UNC5D: variants seen among roughly 807,000 people sequenced by gnomAD.
UNC5D encodes the protein netrin receptor UNC5D.
Under a neutral mutation model 105.4 loss-of-function variants are expected in UNC5D, and 39 were observed. The ratio of observed to expected loss-of-function variants is 0.37; its 90% confidence interval spans 0.29 to 0.48. The LOEUF (loss-of-function observed/expected upper bound fraction) is 0.48, where lower values mean the gene tolerates loss of function less well. UNC5D is among the 20% of genes least tolerant of loss of function. The probability of loss-of-function intolerance (pLI) is 0.98; values close to 1 mark genes in which losing one functional copy is unlikely to be tolerated. For synonymous variants in UNC5D, 452 were observed against 450.4 expected, an observed-to-expected ratio of 1.00 and a Z score of -0.04; for missense variants, 991 against 1,202.4, an observed-to-expected ratio of 0.82 and a Z score of 2.60.
intron 1 of UNC5D, among the ~76,000 whole-genome samples, chr8:35,422,018 A>G (rs1805937376): frequency 6.6e-6 from 1 of 152,154 alleles, no homozygotes; most frequent in Non-Finnish European, 1.5e-5. Flanking sequence ...TTTTTCAACA[A>G]TTGTTACATT....
intron 1 of UNC5D, among the ~76,000 whole-genome samples, chr8:35,387,987 A>G (rs892396420): frequency 6.6e-6 from 1 of 152,150 alleles, no homozygotes; most frequent in African/African-American, 2.4e-5. Flanking sequence ...AGAGCAGGAC[A>G]CTCAAGTGTT....
chr8:35,448,436 G>A (rs944513642), intron 1 of UNC5D, among the ~76,000 whole-genome samples: 5 of 151,850 alleles, frequency 3.3e-5, no homozygotes, highest in African/African-American at 9.7e-5. Flanking sequence ...TTCCAGTATA[G>A]ACATTACTTG....
chr8:35,281,533 G>C (rs998104263), intron 1 of UNC5D, among the ~76,000 whole-genome samples: 2 of 151,664 alleles, frequency 1.3e-5, no homozygotes, highest in Non-Finnish European at 2.9e-5. Flanking sequence ...TCCGCCTCCC[G>C]GGTTCAAGCG....
chr8:35,568,311 T>G, intron 3 of UNC5D, 70 bp downstream of exon 3: 1 of 1,548,658 alleles, frequency 6.5e-7, no homozygotes, highest in South Asian at 1.2e-5. Flanking sequence ...GAAGAGAGGT[T>G]TTACAGATGT....
chr8:35,331,521 C>T (rs1449036701), intron 1 of UNC5D, among the ~76,000 whole-genome samples: 1 of 152,114 alleles, frequency 6.6e-6, no homozygotes, highest in Non-Finnish European at 1.5e-5. Flanking sequence ...GTATCACTTG[C>T]CCTGCTTGTC....
intron 1 of UNC5D, among the ~76,000 whole-genome samples, chr8:35,441,814 A>C (rs1249822652): frequency 1.3e-5 from 2 of 151,566 alleles, no homozygotes; most frequent in East Asian, 3.9e-4. Flanking sequence ...TCAGCGCCAT[A>C]TGCAATAGAA....
At chr8:35,405,427 T>C (rs917626205) in intron 1 of UNC5D, among the ~76,000 whole-genome samples, 1 of 152,246 alleles carries the variant, frequency 6.6e-6, no homozygotes, top group African/African-American at 2.4e-5. Context: ...GAGCCTATGA[T>C]GCCCATATTA....
At chr8:35,681,536 G>T (rs1825666069) in intron 4 of UNC5D, among the ~76,000 whole-genome samples, 1 of 152,208 alleles carries the variant, frequency 6.6e-6, no homozygotes, top group Non-Finnish European at 1.5e-5. Flanking sequence ...TCACAGGCTG[G>T]TAGTCAGATG....
intron 4 of UNC5D, among the ~76,000 whole-genome samples, chr8:35,653,676 T>A (rs1823561401): frequency 1.3e-5 from 2 of 152,252 alleles, no homozygotes; most frequent in Admixed American, 1.3e-4. Flanking sequence ...AATATTGTAG[T>A]TCTAAAGTGG....
intron 1 of UNC5D, among the ~76,000 whole-genome samples, chr8:35,278,427 T>C (rs1423821757): frequency 1.3e-5 from 2 of 152,124 alleles, no homozygotes; most frequent in Non-Finnish European, 2.9e-5. Context: ...GTTCTTTTTG[T>C]TGTGAAAAAT....
At position 35,662,614 on chromosome 8, in the gene UNC5D, A is replaced by G. The variant is rs566020933; in HGVS notation, c.571-20933A>G. On this transcript the variant is annotated intron_variant, in intron 4 of 16. Coordinates refer to ENST00000404895, the MANE Select transcript of UNC5D (RefSeq NM_080872.4). ...AGGTAACACTAAGTCCTCCCTGCAT[A>G]AATGTATTGCACCCCACTAACATTT... Among the ~76,000 whole-genome samples the G allele has an allele frequency of 3.3e-5, 5 of 152,334 alleles. No homozygotes were observed. In the South Asian group the frequency reaches 1.0e-3, roughly 32 times the overall value.
chr8:35,442,771 A>G (rs1807491750), intron 1 of UNC5D, among the ~76,000 whole-genome samples: 1 of 151,944 alleles, frequency 6.6e-6, no homozygotes, highest in African/African-American at 2.4e-5. Flanking sequence ...TAGCTATTAT[A>G]ATGCTTAGAT....
chr8:35,705,129 T>G (rs1827480083), intron 7 of UNC5D, among the ~76,000 whole-genome samples: 1 of 152,096 alleles, frequency 6.6e-6, no homozygotes, highest in African/African-American at 2.4e-5. Flanking sequence ...CTCGCCCGGC[T>G]AATTTTTTAC....
At chr8:35,454,957 T>C (rs930841710) in intron 1 of UNC5D, among the ~76,000 whole-genome samples, 4 of 152,186 alleles carry the variant, frequency 2.6e-5, no homozygotes, top group Non-Finnish European at 5.9e-5. Flanking sequence ...TCCCTTGTTA[T>C]GGATTTTATT....
At chr8:35,237,881 T>C (rs1802572035) in intron 1 of UNC5D, among the ~76,000 whole-genome samples, 1 of 152,152 alleles carries the variant, frequency 6.6e-6, no homozygotes, top group African/African-American at 2.4e-5. Flanking sequence ...CACAGTTGGG[T>C]GTAATTGGAG....
intron 8 of UNC5D, 86 bp downstream of exon 8, chr8:35,706,047 G>A (rs778039791): frequency 4.4e-6 from 4 of 905,334 alleles, no homozygotes; most frequent in South Asian, 3.2e-5. Context: ...GAGCAGAATT[G>A]AAGTTCCTAT....
At chr8:35,683,762 AG>A in intron 5 of UNC5D, 35 bp downstream of exon 5, 9 of 1,451,152 alleles carry the variant, frequency 6.2e-6, no homozygotes, top group Non-Finnish European at 7.2e-6. Context: ...ATGGATAGGG[AG>A]GGCAGAAAGA....
Position 35,240,228 on chromosome 8 carries a change from G to T in UNC5D, c.103+4341G>T, listed in dbSNP as rs149753571. Among the ~76,000 whole-genome samples the T allele has an allele frequency of 2.1e-3, 319 of 152,272 alleles. 3 individuals carry two copies. Among genetic ancestry groups the T allele is most frequent in the African/African-American group, 7.4e-3 (308 of 41,554 alleles). On this transcript the variant is annotated intron_variant, in intron 1 of 16. Transcript: ENST00000404895. ...GCCTCCCAAAGTGCTAGGATTACAG[G>T]TATGAACCACCACATCTGGCCTCAC...
At chr8:35,596,638 A>G (rs1163368087) in intron 4 of UNC5D, among the ~76,000 whole-genome samples, 1 of 152,192 alleles carries the variant, frequency 6.6e-6, no homozygotes, top group African/African-American at 2.4e-5. Flanking sequence ...AACATATGTA[A>G]GACAAACATT....
Sources: allele counts gnomAD v4.1 joint callset (sites outside exome capture counted in the v4.1 genomes callset), GRCh38; gene constraint gnomAD v4.1.1; transcripts MANE v1.5; gene names NCBI Gene and HGNC (gene_info 2026-07-23, HGNC 2026-07-21).